The following RIMS2 variants were observed in gnomAD, a reference collection of about 807,000 sequenced individuals.
The protein encoded by RIMS2 is regulating synaptic membrane exocytosis 2.
In RIMS2, 59 loss-of-function variants were observed where a neutral mutation model predicts 174.4. The ratio of observed to expected loss-of-function variants is 0.34; its 90% CI spans 0.27 to 0.42. The LOEUF is 0.42. Ranked by LOEUF, RIMS2 falls within the 10% of genes least tolerant of loss-of-function variation. The pLI is 1.00. For missense variants in RIMS2, 1,620 were observed against 1,666.3 expected (o/e 0.97, Z 0.48); for synonymous variants, 606 against 572.5 (o/e 1.06, Z -0.84).
chr8:103,742,039 A>G (rs943427537), intron 2 of RIMS2, among the ~76,000 whole-genome samples: 1 of 152,094 alleles, frequency 6.6e-6, no homozygotes, highest in African/African-American at 2.4e-5. Context: ...TGCTGTATTA[A>G]TAATAGTTCC....
intron 19 of RIMS2, among the ~76,000 whole-genome samples, chr8:104,101,461 C>T (rs1340546605): frequency 6.6e-6 from 1 of 152,082 alleles, no homozygotes; most frequent in Non-Finnish European, 1.5e-5. Flanking sequence ...CTATATTAGA[C>T]ATAATAATTG....
intron 19 of RIMS2, among the ~76,000 whole-genome samples, chr8:104,151,937 G>GA (rs530231393): frequency 2.0e-4 from 31 of 152,030 alleles, no homozygotes; most frequent in Non-Finnish European, 3.7e-4. Flanking sequence ...ATTATGAGAG[G>GA]ATAGTATCAC....
chr8:103,821,799 A>G (rs2098753700), intron 3 of RIMS2, among the ~76,000 whole-genome samples: 1 of 151,610 alleles, frequency 6.6e-6, no homozygotes, highest in East Asian at 1.9e-4. Context: ...CCACTTTAGT[A>G]TAGACTAAAA....
At chr8:103,501,302 G>T (rs1025725407) in intron 1 of RIMS2, 34 of 228,790 alleles carry the variant, frequency 1.5e-4, no homozygotes, top group African/African-American at 7.0e-4. Context: ...AGCCTTAGGC[G>T]GTGTGATTTT....
At chr8:103,933,842 T>G (rs911162987) in intron 12 of RIMS2, among the ~76,000 whole-genome samples, 29 of 152,186 alleles carry the variant, frequency 1.9e-4, no homozygotes, top group Admixed American at 1.8e-3. Context: ...GCTTTTGTTA[T>G]GAATTATTAA....
intron 19 of RIMS2, among the ~76,000 whole-genome samples, chr8:104,037,968 G>A (rs1288438422): frequency 6.6e-6 from 1 of 152,014 alleles, no homozygotes; most frequent in African/African-American, 2.4e-5. Context: ...GTTGCCTATA[G>A]TATTGAATAG....
chr8:103,583,314 G>A (rs994119883), intron 1 of RIMS2, among the ~76,000 whole-genome samples: 12 of 152,102 alleles, frequency 7.9e-5, no homozygotes, highest in Non-Finnish European at 1.5e-4. Context: ...AAAGAAGGAC[G>A]TCTACAAATA....
chr8:103,684,111 C>G (rs917001374), intron 1 of RIMS2, among the ~76,000 whole-genome samples: 1 of 152,068 alleles, frequency 6.6e-6, no homozygotes, highest in African/African-American at 2.4e-5. Flanking sequence ...AAATTTACCT[C>G]TTTTTTGTAT....
intron 4 of RIMS2, among the ~76,000 whole-genome samples, chr8:103,900,292 C>T (rs1371304329): frequency 6.6e-6 from 1 of 151,576 alleles, no homozygotes; most frequent in African/African-American, 2.4e-5. Context: ...GGTGTGATCT[C>T]AGCTCACTAC....
intron 1 of RIMS2, among the ~76,000 whole-genome samples, chr8:103,663,221 TG>T (rs1343890611): frequency 1.3e-5 from 2 of 152,094 alleles, no homozygotes; most frequent in African/African-American, 4.8e-5. Flanking sequence ...TTAATTTAAT[TG>T]CCTTTTCAAT....
At chr8:103,929,629 T>C (rs556446675) in intron 11 of RIMS2, among the ~76,000 whole-genome samples, 4 of 151,894 alleles carry the variant, frequency 2.6e-5, no homozygotes, top group African/African-American at 7.2e-5. Context: ...GAGAATACCA[T>C]AGAAATCAGT....
intron 3 of RIMS2, among the ~76,000 whole-genome samples, chr8:103,840,665 A>G (rs1286777718): frequency 3.3e-5 from 5 of 152,028 alleles, no homozygotes; most frequent in Non-Finnish European, 7.4e-5. Context: ...AGTATTTCCT[A>G]TATACTATAT....
intron 2 of RIMS2, among the ~76,000 whole-genome samples, chr8:103,705,538 G>A (rs117759482): frequency 2.0e-5 from 3 of 152,018 alleles, no homozygotes; most frequent in African/African-American, 7.2e-5. Flanking sequence ...TCATTACTAA[G>A]AGCGGGGTGT....
intron 1 of RIMS2, among the ~76,000 whole-genome samples, chr8:103,546,493 G>T (rs1342168075): frequency 6.6e-6 from 1 of 152,142 alleles, no homozygotes; most frequent in East Asian, 1.9e-4. Context: ...AGCTAACAAA[G>T]ATATTTGTGA....
At position 103,536,161 on chromosome 8, in the gene RIMS2, A is replaced by G. The variant is rs373094092; in HGVS notation, c.176+35099A>G. Among the ~76,000 whole-genome samples the G allele has an allele frequency of 1.7e-4, 26 of 152,336 alleles. No individual in the cohort carries two copies. The East Asian group carries it at 4.6e-3, about 27-fold the overall frequency. ...CTTATTTTCTGGGAATGGAAACTGC[A>G]GAGATATTCTGATAACCTACTTTGG... On this transcript the variant is annotated intron_variant, in intron 1 of 23. Transcript: ENST00000504942.
At chr8:104,079,598 G>GATT (rs2097367857) in intron 19 of RIMS2, among the ~76,000 whole-genome samples, 2 of 51,006 alleles carry the variant, frequency 3.9e-5, no homozygotes, top group African/African-American at 7.1e-5. Flanking sequence ...GATTAAGCAT[G>GATT]ATATATATAT....
chr8:104,036,930 T>A (rs1165153790), intron 19 of RIMS2, among the ~76,000 whole-genome samples: 1 of 152,146 alleles, frequency 6.6e-6, no homozygotes, highest in Non-Finnish European at 1.5e-5. Context: ...AGTGAATTTT[T>A]AAAAATAGCA....
chr8:103,623,797 T>G (rs1344855176), intron 1 of RIMS2, among the ~76,000 whole-genome samples: 4 of 149,432 alleles, frequency 2.7e-5, no homozygotes, highest in African/African-American at 7.5e-5. Flanking sequence ...TCTCTTCATT[T>G]TTTTTTTTTA....
chr8:103,624,751 C>G (rs970652644), intron 1 of RIMS2, among the ~76,000 whole-genome samples: 4 of 152,046 alleles, frequency 2.6e-5, no homozygotes, highest in Admixed American at 6.6e-5. Context: ...TTCATTTAAT[C>G]CTCTTACCTC....
Sources: gnomAD v4.1 joint callset for allele counts (sites outside exome capture counted in the v4.1 genomes callset) on GRCh38, gnomAD v4.1.1 for gene constraint, MANE v1.5 for transcripts, NCBI Gene and HGNC (gene_info 2026-07-23, HGNC 2026-07-21) for gene names.